Variants in FBXW4 observed in about 807,000 individuals in gnomAD.
FBXW4 encodes the protein F-box and WD repeat domain containing 4.
In FBXW4, 40 loss-of-function variants were observed where a neutral mutation model predicts 61.8. The observed-to-expected ratio is 0.65, with a 90% CI of 0.50 to 0.84. FBXW4 has a LOEUF of 0.84. Ranked by LOEUF, FBXW4 falls within the 40% of genes least tolerant of loss-of-function variation. FBXW4 has a pLI of 0.00. For missense variants in FBXW4, 672 were observed against 753.8 expected, an observed-to-expected ratio of 0.89 and a Z score of 1.27; for synonymous variants, 311 against 313.8, an observed-to-expected ratio of 0.99 and a Z score of 0.10.
At chr10:101,660,137 G>C in intron 5 of FBXW4, 1 of 985,432 alleles carries the variant, frequency 1.0e-6, no homozygotes, top group Non-Finnish European at 1.2e-6. Context: ...AGCTGAGAAA[G>C]CACAGGTCAG....
intron 6 of FBXW4, among the ~76,000 whole-genome samples, chr10:101,614,529 G>C (rs975554950): frequency 1.3e-5 from 2 of 152,292 alleles, no homozygotes; most frequent in African/African-American, 2.4e-5. Context: ...CTGCCCTCGG[G>C]GGGAGAGCCA....
At chr10:101,692,581 C>T (rs936780090) in intron 1 of FBXW4, among the ~76,000 whole-genome samples, 15 of 151,480 alleles carry the variant, frequency 9.9e-5, no homozygotes, top group African/African-American at 3.6e-4. Flanking sequence ...GATGGAGAAA[C>T]CCTATCTCTA....
At chr10:101,688,479 C>G (rs886092893) in intron 1 of FBXW4, among the ~76,000 whole-genome samples, 1 of 152,172 alleles carries the variant, frequency 6.6e-6, no homozygotes. Flanking sequence ...GAAGAAATGA[C>G]TCAAAATTGA....
At chr10:101,623,005 G>A (rs183053669) in intron 6 of FBXW4, 2 of 152,210 alleles carry the variant, frequency 1.3e-5, no homozygotes, top group African/African-American at 2.4e-5. Context: ...CAGACGTTTC[G>A]CCAAAGAGAA....
At chr10:101,671,117 A>G (rs2064355113) in intron 4 of FBXW4, among the ~76,000 whole-genome samples, 1 of 152,242 alleles carries the variant, frequency 6.6e-6, no homozygotes. Flanking sequence ...TGTTTCAGTT[A>G]TAAAAGACAA....
At chr10:101,634,284 A>G (rs10786643) in intron 5 of FBXW4, among the ~76,000 whole-genome samples, 26,536 of 149,510 alleles carry the variant, frequency 0.18, 4,179 homozygotes, top group Middle Eastern at 0.23. Flanking sequence ...TACTAAAGAA[A>G]ATAGAATTGT....
At chr10:101,618,840 T>C (rs1006686007) in intron 6 of FBXW4, among the ~76,000 whole-genome samples, 6 of 151,928 alleles carry the variant, frequency 3.9e-5, no homozygotes, top group African/African-American at 1.5e-4. Context: ...GGCCCAGCTG[T>C]GCCCTGTGCT....
intron 5 of FBXW4, among the ~76,000 whole-genome samples, chr10:101,664,832 A>T (rs1344813193): frequency 6.6e-6 from 1 of 152,204 alleles, no homozygotes; most frequent in South Asian, 2.1e-4. Context: ...AATATGCATA[A>T]CACATATATT....
chr10:101,635,918 G>A (rs745489846), intron 5 of FBXW4, among the ~76,000 whole-genome samples: 8 of 151,960 alleles, frequency 5.3e-5, no homozygotes, highest in Non-Finnish European at 1.0e-4. Context: ...CCCTACCCTG[G>A]GGGGGCGGGC....
At chr10:101,659,382 A>C (rs1358104671) in intron 5 of FBXW4, 2 of 985,248 alleles carry the variant, frequency 2.0e-6, no homozygotes, top group East Asian at 2.3e-4. Flanking sequence ...TGACTCGTGC[A>C]GTAAAGTCCA....
intron 1 of FBXW4, among the ~76,000 whole-genome samples, chr10:101,683,953 T>C (rs964859451): frequency 6.6e-6 from 1 of 151,946 alleles, no homozygotes; most frequent in African/African-American, 2.4e-5. Context: ...GCTTGGAATT[T>C]TATTTTATTT....
intron 5 of FBXW4, among the ~76,000 whole-genome samples, chr10:101,643,617 ACACACTGTGCC>A (rs895244417): frequency 6.6e-6 from 1 of 152,214 alleles, no homozygotes; most frequent in African/African-American, 2.4e-5. Context: ...GATCCTGTAG[ACACACTGTGCC>A]CACAGGGGTC....
intron 1 of FBXW4, among the ~76,000 whole-genome samples, chr10:101,678,512 G>A (rs1436532802): frequency 3.3e-5 from 5 of 152,154 alleles, no homozygotes; most frequent in African/African-American, 7.2e-5. Context: ...TGCAAGCTCC[G>A]CCTCTCGGGT....
intron 4 of FBXW4, 148 bp downstream of exon 4, chr10:101,672,767 C>A: frequency 1.2e-6 from 1 of 864,870 alleles, no homozygotes. Context: ...AGCTGCATGC[C>A]AGAGGCACAT....
intron 1 of FBXW4, among the ~76,000 whole-genome samples, chr10:101,678,519 G>A (rs777499790): frequency 6.6e-6 from 1 of 152,142 alleles, no homozygotes; most frequent in Non-Finnish European, 1.5e-5. Context: ...TCCGCCTCTC[G>A]GGTTCACATC....
Position 101,611,806 on chromosome 10 carries a change from G to T in FBXW4, c.1443-37C>A. ...GAGGAGAAGCAGAGGGAGGTTTAGGGTACCCTCCACCTCTACCCCAGCTTT... is the reference window on the plus strand; with the variant it reads ...GAGGAGAAGCAGAGGGAGGTTTAGGTTACCCTCCACCTCTACCCCAGCTTT... On this transcript the variant is annotated intron_variant, in intron 7 of 8. Transcript: ENST00000331272. This position sits in a 1 kb window ranked among gnomAD's most constrained non-coding sequence, Gnocchi z 4.9. The T allele has an allele frequency of 6.3e-7, 1 of 1,599,150 alleles. No individual in the cohort carries two copies. Among genetic ancestry groups the T allele is most frequent in the Non-Finnish European group, 8.5e-7 (1 of 1,170,736 alleles).
intron 2 of FBXW4, among the ~76,000 whole-genome samples, chr10:101,675,074 G>A (rs905569549): frequency 6.6e-6 from 1 of 152,186 alleles, no homozygotes; most frequent in African/African-American, 2.4e-5. Flanking sequence ...ATGTGGAAAA[G>A]TTCTGCAAAT....
chr10:101,626,085 C>CAG (rs1262054103), intron 5 of FBXW4: 1 of 152,260 alleles, frequency 6.6e-6, no homozygotes, highest in Non-Finnish European at 1.5e-5. Context: ...GTCTGCTCTT[C>CAG]AGCCCTAGGC....
rs918811319 is a variant in FBXW4, at chr10:101,628,136, C to T, written c.1236-3326G>A. On this transcript the variant is annotated intron_variant, in intron 5 of 8. Transcript: ENST00000331272. ...TGTATCATTCCCTCCGTGGCTCCTC[C>T]CAAGGGATTGCTCAGTGACTTTTCC... 3 of 223,584 alleles carry T rather than the reference C, an allele frequency of 1.3e-5. No homozygotes were observed. In the East Asian group the frequency reaches 5.5e-4, roughly 41 times the overall value. 13.9% of individuals were successfully genotyped at this position (223,584 alleles called of 1,614,324 possible).
Sources: allele counts gnomAD v4.1 joint callset (sites outside exome capture counted in the v4.1 genomes callset), GRCh38; gene constraint gnomAD v4.1.1; non-coding constraint Gnocchi (gnomAD v3.1); transcripts MANE v1.5; gene names NCBI Gene and HGNC (gene_info 2026-07-23, HGNC 2026-07-21).